The following RASA3 variants were observed in gnomAD, a reference collection of about 807,000 sequenced individuals.
The protein encoded by RASA3 is RAS p21 protein activator 3.
RASA3 carries 73 observed loss-of-function variants against 110.0 expected under a neutral mutation model. That is an observed-to-expected ratio of 0.66 (90% CI 0.55 to 0.81). The LOEUF is 0.81. Ranked by LOEUF, RASA3 falls within the 30% of genes least tolerant of loss-of-function variation. The pLI, the probability that RASA3 is intolerant of heterozygous loss-of-function variation, is 0.00. For synonymous variants in RASA3, 500 were observed against 451.4 expected (o/e 1.11, Z -1.37); for missense variants, 976 against 1,113.2 (o/e 0.88, Z 1.75).
rs139488483 is a variant in RASA3 at position 113,994,509 on chromosome 13, C to T, written c.2142-1921G>A. On this transcript the variant is annotated intron_variant, in intron 21 of 23. Transcript: ENST00000334062. ...AGATGAAGTGACCAACATTAAAACACATCCCTGGCCAGTCAGGGAGTTCAT... is the reference window on the plus strand; with the variant it reads ...AGATGAAGTGACCAACATTAAAACATATCCCTGGCCAGTCAGGGAGTTCAT... 1.9e-3 allele frequency among the ~76,000 whole-genome samples: 283 copies of T among 152,260 alleles called. 1 individual carries two copies. The highest frequency in any genetic ancestry group is 6.8e-3 in the Middle Eastern group (2 of 294).
At chr13:114,052,334 G>A (rs2079159024) in intron 2 of RASA3, among the ~76,000 whole-genome samples, 179 bp from the exon 3 acceptor site, 1 of 152,128 alleles carries the variant, frequency 6.6e-6, no homozygotes, top group African/African-American at 2.4e-5. Flanking sequence ...GCTGCTCCCC[G>A]GCCTCCACCT....
chr13:114,114,035 A>G lies in RASA3; in HGVS notation c.55+18400T>C, dbSNP rs567444636. On this transcript the variant is annotated intron_variant, in intron 1 of 23. Transcript: ENST00000334062. The surrounding 1 kb of genome is among the most constrained non-coding windows in gnomAD (Gnocchi z 4.8). The stretch of plus-strand genomic sequence containing the variant: ...ATCAGTCCACCCACCATGGCGAGTG[A>G]TGTCCGTATAGCTCACACCGCATCC... Among the ~76,000 whole-genome samples the G allele has an allele frequency of 6.6e-6, 1 of 151,622 alleles. No homozygotes were observed. The highest frequency in any genetic ancestry group is 2.4e-5 in the African/African-American group (1 of 41,086).
intron 2 of RASA3, among the ~76,000 whole-genome samples, chr13:114,059,419 G>GCAGGTACCCAGGAGGCA (rs1238872587): frequency 6.6e-6 from 1 of 152,226 alleles, no homozygotes; most frequent in Non-Finnish European, 1.5e-5. Context: ...GCGAGGAGGC[G>GCAGGTACCCAGGAGGCA]CAGGTACCCA....
chr13:114,131,742 A>G (rs557334975), intron 1 of RASA3, among the ~76,000 whole-genome samples: 23 of 151,530 alleles, frequency 1.5e-4, no homozygotes, highest in African/African-American at 5.5e-4. Context: ...AAACGCGCGC[A>G]CACACACGCG....
In RASA3 at chr13:113,978,916, CCA is replaced by C. The variant is rs1451564432; in HGVS notation, c.*429_*430del. On this transcript the variant is annotated 3_prime_UTR_variant, in exon 24 of 24. Coordinates refer to ENST00000334062, the MANE Select transcript of RASA3 (RefSeq NM_007368.4). Reference sequence around the variant, plus strand: ...GCCAGCAGGCCTCCCGGGCACAGAGCCACAGAGCCCAGCGTCACACGCACCGT... The same window carrying C: ...GCCAGCAGGCCTCCCGGGCACAGAGCCAGAGCCCAGCGTCACACGCACCGT... 1.7e-5 allele frequency: 3 copies of C among 171,886 alleles called. No homozygotes were observed. The highest frequency in any genetic ancestry group is 7.1e-5 in the African/African-American group (3 of 42,126). 10.6% of individuals were successfully genotyped at this position (171,886 alleles called of 1,614,324 possible). A position where few individuals can be genotyped will look rare whatever the true frequency, so the allele number is the denominator to read the frequency against.
intron 4 of RASA3, among the ~76,000 whole-genome samples, chr13:114,032,212 G>T (rs918529671): frequency 6.6e-6 from 1 of 152,008 alleles, no homozygotes; most frequent in Non-Finnish European, 1.5e-5. Flanking sequence ...GGGATCACAG[G>T]CCCGAACCCT....
At position 114,018,836 on chromosome 13, in the gene RASA3, G is replaced by A. The variant is rs201581994; in HGVS notation, c.869C>T (p.Thr290Met). The part of the protein sequence containing the change: ...LGSLRLNVVY[T>M]EDHVFSSDYY... ...GTCAGAAGAAAACACGTGGTCTTCC[G>A]TGTATACCACGTTCAGCCGCAGGGA... Residue 290 changes from threonine (T) to methionine (M), a missense_variant, in exon 10 of 24, where the codon ACG becomes ATG. By Grantham distance (81) the Thr-to-Met change is moderately conservative. This residue lies in a region of RASA3 where 732 missense variants were observed against 779.7 expected (regional missense o/e 0.94). Coordinates refer to ENST00000334062, the MANE Select transcript of RASA3 (RefSeq NM_007368.4). The A allele has an allele frequency of 7.2e-5, 116 of 1,613,758 alleles. No individual in the cohort carries two copies. The highest frequency in any genetic ancestry group is 8.6e-5 in the Non-Finnish European group (101 of 1,179,996).
chr13:113,998,484 T>G (rs1428133536), intron 20 of RASA3, among the ~76,000 whole-genome samples: 1 of 152,246 alleles, frequency 6.6e-6, no homozygotes, highest in Non-Finnish European at 1.5e-5. Context: ...ATGACCCTCA[T>G]GCTGCAGTCG....
chr13:114,091,350 G>C (rs1171228669), intron 1 of RASA3, among the ~76,000 whole-genome samples: 4 of 151,910 alleles, frequency 2.6e-5, no homozygotes, highest in African/African-American at 9.7e-5. Context: ...GGTTAGCTAT[G>C]GTTTTGTCAT....
chr13:113,996,699 TG>T lies in RASA3; in HGVS notation c.1972del (p.Gln658ArgfsTer18). On this transcript the variant is annotated frameshift_variant, in exon 21 of 24. Transcript: ENST00000334062. LOFTEE classifies it high-confidence loss of function. ...VIQPERALYI[Q>X]ANNCVEAKDW... The stretch of plus-strand genomic sequence containing the variant: ...CTTGGCCTCCACGCAGTTGTTGGCC[TG>T]GATGTACAGCGCACGCTCTGGCTGG... 1 of 1,613,820 alleles carries T rather than the reference TG, an allele frequency of 6.2e-7. No individual in the cohort carries two copies. Among genetic ancestry groups the T allele is most frequent in the South Asian group, 1.1e-5 (1 of 91,082 alleles).
chr13:113,993,381 G>C (rs1227361438), intron 21 of RASA3, among the ~76,000 whole-genome samples: 2 of 151,932 alleles, frequency 1.3e-5, no homozygotes, highest in East Asian at 3.9e-4. Flanking sequence ...TCACCATGTT[G>C]GCCAGGCTGG....
chr13:114,087,976 A>C (rs934299261), intron 1 of RASA3, among the ~76,000 whole-genome samples: 1 of 152,188 alleles, frequency 6.6e-6, no homozygotes, highest in Admixed American at 6.5e-5. Context: ...CTAAAAATAC[A>C]AAAAATTAGC....
chr13:114,099,522 C>T lies in RASA3; in HGVS notation c.56-25685G>A, dbSNP rs190106401. On this transcript the variant is annotated intron_variant, in intron 1 of 23. Coordinates refer to ENST00000334062, the MANE Select transcript of RASA3 (RefSeq NM_007368.4). ...GCTTCTCAGACCTGTGTTCACACAG[C>T]GCGTCTCCCTCCTTTCCCTCCCTGC... 1.8e-3 allele frequency among the ~76,000 whole-genome samples: 277 copies of T among 151,772 alleles called. 2 individuals are homozygous for T. The highest frequency in any genetic ancestry group is 0.014 in the Middle Eastern group (4 of 294).
intron 4 of RASA3, 95 bp downstream of exon 4, chr13:114,040,905 G>C (rs541648286): frequency 1.7e-6 from 2 of 1,190,386 alleles, no homozygotes. Flanking sequence ...GCCGAAGCCC[G>C]ATCTACGTCT....
At chr13:114,009,721 G>A (rs924559551) in intron 16 of RASA3, among the ~76,000 whole-genome samples, 11 of 152,248 alleles carry the variant, frequency 7.2e-5, no homozygotes, top group Non-Finnish European at 1.0e-4. Flanking sequence ...CAGTGACTCC[G>A]TCCTGGCCCC....
intron 1 of RASA3, among the ~76,000 whole-genome samples, chr13:114,120,782 C>G (rs1206124913): frequency 3.3e-5 from 5 of 152,010 alleles, no homozygotes; most frequent in Non-Finnish European, 4.4e-5. Context: ...CTCTCTTCTC[C>G]TGACTTCCTG....
At chr13:114,081,656 C>T (rs949952978) in intron 1 of RASA3, among the ~76,000 whole-genome samples, 1 of 152,198 alleles carries the variant, frequency 6.6e-6, no homozygotes, top group Non-Finnish European at 1.5e-5. Flanking sequence ...GACAGGGGAC[C>T]TCTCCTCCAC....
intron 21 of RASA3, among the ~76,000 whole-genome samples, chr13:113,996,328 G>A (rs1237109703): frequency 3.3e-5 from 5 of 152,188 alleles, no homozygotes; most frequent in South Asian, 4.1e-4. Context: ...TGGAGTCTGC[G>A]CAGAGCCTTC....
intron 12 of RASA3, 92 bp downstream of exon 12, chr13:114,017,145 C>G: frequency 8.7e-7 from 1 of 1,155,382 alleles, no homozygotes; most frequent in Non-Finnish European, 1.3e-6. Flanking sequence ...AAGCCCAGCT[C>G]GTGGTCTGGC....
Sources: gnomAD v4.1 joint callset for allele counts (sites outside exome capture counted in the v4.1 genomes callset) on GRCh38, gnomAD v4.1.1 for gene constraint, gnomAD v4.1.1 regional missense constraint, Gnocchi (gnomAD v3.1) non-coding constraint, MANE v1.5 for transcripts, NCBI Gene and HGNC (gene_info 2026-07-23, HGNC 2026-07-21) for gene names.